LRRC74A: variants seen among roughly 807,000 people sequenced by gnomAD.
LRRC74A encodes leucine-rich repeat-containing protein 74A.
In LRRC74A, 44 loss-of-function variants were observed where a neutral mutation model predicts 57.9. The ratio of observed to expected loss-of-function variants is 0.76; its 90% CI spans 0.60 to 0.98. The LOEUF (loss-of-function observed/expected upper bound fraction) is 0.98, where lower values mean the gene tolerates loss of function less well. LRRC74A is among the 50% of genes least tolerant of loss of function. The pLI is 0.00. For synonymous variants in LRRC74A, 211 were observed against 219.4 expected, an observed-to-expected ratio of 0.96 and a Z score of 0.34; for missense variants, 572 against 574.0, an observed-to-expected ratio of 1.00 and a Z score of 0.04.
At chr14:76,836,022 T>C (rs985657246) in intron 3 of LRRC74A, among the ~76,000 whole-genome samples, 185 bp from the exon 4 acceptor site, 2 of 152,226 alleles carry the variant, frequency 1.3e-5, no homozygotes, top group African/African-American at 4.8e-5. Context: ...AATCAGCGTA[T>C]TGTCCTAGCA....
intron 12 of LRRC74A, among the ~76,000 whole-genome samples, chr14:76,866,939 A>G (rs1268236502): frequency 5.9e-4 from 8 of 13,648 alleles, no homozygotes; most frequent in Non-Finnish European, 8.2e-4. Flanking sequence ...GGGGGGTGGT[A>G]GGTGTGTGGG....
At position 76,844,423 on chromosome 14, in the gene LRRC74A, G is replaced by A. The variant is rs976814615; in HGVS notation, c.545G>A (p.Gly182Glu). 1 of 1,612,398 alleles carries A rather than the reference G, an allele frequency of 6.2e-7. No individual in the cohort carries two copies. The highest frequency in any genetic ancestry group is 8.5e-7 in the Non-Finnish European group (1 of 1,179,360). Reference protein sequence around the residue: ...SSSIWSLELSGNDFKEDSAAL... With the variant: ...SSSIWSLELSENDFKEDSAAL... ...CACTGACACACCACCCTCACTACAG[G>A]AAATGACTTCAAGGAAGACTCCGCA... The change falls in exon 6 of 14, where the codon GGA becomes GAA. Residue 182 changes from glycine to glutamate, a missense_variant and splice_region_variant. Transcript: ENST00000689127.
chr14:76,863,905 C>A (rs1221282535), intron 11 of LRRC74A, among the ~76,000 whole-genome samples: 1 of 152,242 alleles, frequency 6.6e-6, no homozygotes, highest in Non-Finnish European at 1.5e-5. Flanking sequence ...CATGAAGCAA[C>A]CACAGCCGCT....
intron 3 of LRRC74A, among the ~76,000 whole-genome samples, chr14:76,833,100 C>CAATAGAGA (rs1253814857): frequency 3.3e-5 from 5 of 152,128 alleles, no homozygotes; most frequent in African/African-American, 1.2e-4. Context: ...TCAGTGAATT[C>CAATAGAGA]AATAGAGAAT....
chr14:76,845,214 C>T (rs1282164759), intron 7 of LRRC74A, among the ~76,000 whole-genome samples: 1 of 152,032 alleles, frequency 6.6e-6, no homozygotes, highest in African/African-American at 2.4e-5. Context: ...ATCCCAGCTA[C>T]TCGGAAGGCT....
At chr14:76,829,887 G>GA (rs1228290130) in intron 2 of LRRC74A, among the ~76,000 whole-genome samples, 1 of 152,186 alleles carries the variant, frequency 6.6e-6, no homozygotes, top group African/African-American at 2.4e-5. Context: ...AGAAAAGGGG[G>GA]AGACGAGCCT....
chr14:76,844,349 G>A, intron 5 of LRRC74A, 74 bp from the exon 6 acceptor site: 1 of 1,362,864 alleles, frequency 7.3e-7, no homozygotes, highest in Non-Finnish European at 1.0e-6. Flanking sequence ...AAGTGGACTG[G>A]GAGGGGCAGG....
chr14:76,846,738 G>T (rs2140284104), intron 7 of LRRC74A, among the ~76,000 whole-genome samples: 1 of 152,330 alleles, frequency 6.6e-6, no homozygotes, highest in African/African-American at 2.4e-5. Context: ...TGATGGTGTT[G>T]TTTACGTGGA....
At chr14:76,857,621 C>T (rs761671985) in intron 10 of LRRC74A, 146 bp downstream of exon 10, 5 of 591,460 alleles carry the variant, frequency 8.5e-6, no homozygotes, top group Non-Finnish European at 1.5e-5. Flanking sequence ...TCTTTTGTTA[C>T]AGCTCTGCCC....
At chr14:76,847,378 T>C (rs1200043635) in intron 7 of LRRC74A, among the ~76,000 whole-genome samples, 1 of 152,214 alleles carries the variant, frequency 6.6e-6, no homozygotes, top group Non-Finnish European at 1.5e-5. Context: ...ACTGAAATCA[T>C]GTTCCTTGCA....
Position 76,841,992 on chromosome 14 carries a change from G to A in LRRC74A, c.545-2431G>A, listed in dbSNP as rs373741676. ...CTCCCAAAGTGCTGGGATTACAGGT[G>A]TGAGCTACTGTGCCCAGCCCCAGGT... is the stretch of plus-strand genomic sequence containing the variant. On this transcript the variant is annotated intron_variant, in intron 5 of 13. Coordinates refer to ENST00000689127, the MANE Select transcript of LRRC74A (RefSeq NM_001385106.1). Among the ~76,000 whole-genome samples, 15 of 152,224 alleles carry A rather than the reference G, an allele frequency of 9.9e-5. No homozygotes were observed. The East Asian group carries it at 1.9e-3, about 20-fold the overall frequency.
At position 76,857,431 on chromosome 14, in the gene LRRC74A, A is replaced by T; in HGVS notation, c.1009A>T (p.Ile337Phe). ...MDGAILLILAIKRNPKSRMEE... is the reference protein window; with the variant it reads ...MDGAILLILAFKRNPKSRMEE... ...TGGGGCTATTTTACTTATCCTGGCT[A>T]TCAAGAGGAACCCCAAATCCAGGAT... is the stretch of plus-strand genomic sequence containing the variant. The change falls in exon 10 of 14, where the codon ATC (isoleucine) becomes TTC (phenylalanine). Residue 337 changes from isoleucine (I) to phenylalanine (F), a missense_variant. Transcript: ENST00000689127. The T allele has an allele frequency of 1.3e-6, 2 of 1,588,262 alleles. No homozygotes were observed. Among genetic ancestry groups the T allele is most frequent in the East Asian group, 2.3e-5 (1 of 44,270 alleles).
intron 4 of LRRC74A, 66 bp from the exon 5 acceptor site, chr14:76,837,809 A>G (rs1355956895): frequency 1.3e-5 from 12 of 924,156 alleles, no homozygotes; most frequent in African/African-American, 1.7e-5. Flanking sequence ...CACAAAAGAC[A>G]TCATTTTTTC....
rs545207117 is a variant in LRRC74A, at chr14:76,834,190, G to A, written c.340-2017G>A. ...AATGTGAGATTGCACTGTTTTCCGG[G>A]GATGGGAAGAAAGGAGCCGAGAAAG... is the stretch of plus-strand genomic sequence containing the variant. On this transcript the variant is annotated intron_variant, in intron 3 of 13. Transcript: ENST00000689127. Among the ~76,000 whole-genome samples the A allele has an allele frequency of 5.3e-5, 8 of 152,316 alleles. No homozygotes were observed. In the South Asian group the frequency reaches 1.4e-3, roughly 28 times the overall value.
At position 76,862,386 on chromosome 14, in the gene LRRC74A, C is replaced by T. The variant is rs900508881; in HGVS notation, c.1200+1547C>T. Reference sequence around the variant, plus strand: ...CTCTTCTAAAAATACAAAAATTAGCCGAGCGTGGTGGCAGATGCCTATAAT... The same window carrying T: ...CTCTTCTAAAAATACAAAAATTAGCTGAGCGTGGTGGCAGATGCCTATAAT... On this transcript the variant is annotated intron_variant, in intron 11 of 13. Transcript: ENST00000689127. 4.6e-5 allele frequency among the ~76,000 whole-genome samples: 7 copies of T among 152,046 alleles called. No homozygotes were observed. The South Asian group carries it at 1.5e-3, about 32-fold the overall frequency.
chr14:76,829,168 G>A (rs1219578161), intron 2 of LRRC74A: 4 of 1,289,422 alleles, frequency 3.1e-6, no homozygotes, highest in Non-Finnish European at 4.0e-6. Flanking sequence ...GACAGGGTCA[G>A]CCTCAAACTT....
At position 76,865,993 on chromosome 14, in the gene LRRC74A, C is replaced by T. The variant is rs914414521; in HGVS notation, c.1226C>T (p.Thr409Met). The change falls in exon 12 of 14, where the codon ACG becomes ATG. Residue 409 changes from threonine to methionine, a missense_variant. Transcript: ENST00000689127. ...AGCTATGCAGACCAACACAAAATCA[C>T]GATCGTGGACTTCTTCAAGAGCTTG... is the stretch of plus-strand genomic sequence containing the variant. ...IQSYADQHKI[T>M]IVDFFKSLNP... The T allele has an allele frequency of 2.5e-6, 4 of 1,599,658 alleles. No individual in the cohort carries two copies. Among genetic ancestry groups the T allele is most frequent in the South Asian group, 1.1e-5 (1 of 89,794 alleles).
Position 76,828,325 on chromosome 14 carries a change from C to G in LRRC74A, c.72C>G (p.Ser24Arg). The G allele has an allele frequency of 6.2e-7, 1 of 1,609,288 alleles. No homozygotes were observed. Among genetic ancestry groups the G allele is most frequent in the Non-Finnish European group, 8.5e-7 (1 of 1,176,012 alleles). ...EIEIEPVRQS[S>R]DKMLYCEAES... ...AAATTGAGCCAGTACGACAGAGCAG[C>G]GATAAAATGCTCTACTGTGAGGCCG... Residue 24 changes from serine (S) to arginine (R), a missense_variant, in exon 2 of 14, where the codon AGC becomes AGG. Coordinates refer to ENST00000689127, the MANE Select transcript of LRRC74A (RefSeq NM_001385106.1).
intron 4 of LRRC74A, among the ~76,000 whole-genome samples, chr14:76,836,697 A>T (rs1896369305): frequency 6.7e-6 from 1 of 150,296 alleles, no homozygotes; most frequent in South Asian, 2.1e-4. Flanking sequence ...AGGCTGAGGC[A>T]GGAGAATGGC....
Sources: allele counts gnomAD v4.1 joint callset (sites outside exome capture counted in the v4.1 genomes callset), GRCh38; gene constraint gnomAD v4.1.1; transcripts MANE v1.5; gene names NCBI Gene and HGNC (gene_info 2026-07-23, HGNC 2026-07-21).